The following FOXN3 variants were observed in gnomAD, a reference collection of about 807,000 sequenced individuals.
FOXN3 encodes forkhead box protein N3.
FOXN3 carries 7 observed loss-of-function variants against 38.4 expected under a neutral mutation model. The observed-to-expected ratio is 0.18, with a 90% confidence interval of 0.10 to 0.34. The LOEUF is 0.34. Ranked by LOEUF, FOXN3 falls within the 10% of genes least tolerant of loss-of-function variation. The probability of loss-of-function intolerance (pLI) is 1.00; values close to 1 mark genes in which losing one functional copy is unlikely to be tolerated. For synonymous variants in FOXN3, 230 were observed against 242.2 expected (o/e 0.95, Z 0.47); for missense variants, 456 against 613.4 (o/e 0.74, Z 2.71).
At chr14:89,334,546 A>T (rs1888382230) in intron 3 of FOXN3, among the ~76,000 whole-genome samples, 1 of 150,544 alleles carries the variant, frequency 6.6e-6, no homozygotes, top group African/African-American at 2.4e-5. Flanking sequence ...GGAGGTGGAG[A>T]TTGCAGTGAG....
intron 1 of FOXN3, among the ~76,000 whole-genome samples, chr14:89,543,830 A>G (rs1894835280): frequency 1.3e-5 from 2 of 152,178 alleles, no homozygotes; most frequent in Admixed American, 6.5e-5. Flanking sequence ...AGTTCATTCT[A>G]CTGGGTGATA....
chr14:89,174,535 A>G (rs1887470064), intron 5 of FOXN3, among the ~76,000 whole-genome samples: 1 of 152,216 alleles, frequency 6.6e-6, no homozygotes, highest in Admixed American at 6.5e-5. Context: ...TGCATTTACA[A>G]CAGTCCAGAA....
At chr14:89,579,308 G>A (rs1402106379) in intron 1 of FOXN3, among the ~76,000 whole-genome samples, 3 of 150,064 alleles carry the variant, frequency 2.0e-5, no homozygotes, top group African/African-American at 7.4e-5. Flanking sequence ...ATGCCATCAC[G>A]CCTGGCTAAT....
At chr14:89,531,837 T>C (rs752723037) in intron 1 of FOXN3, among the ~76,000 whole-genome samples, 1 of 151,994 alleles carries the variant, frequency 6.6e-6, no homozygotes, top group Non-Finnish European at 1.5e-5. Flanking sequence ...TGAGACAGAG[T>C]CTCACCCTGG....
At chr14:89,540,576 T>C (rs1384347633) in intron 1 of FOXN3, among the ~76,000 whole-genome samples, 6 of 151,088 alleles carry the variant, frequency 4.0e-5, no homozygotes, top group African/African-American at 1.5e-4. Flanking sequence ...CTACTAAAAA[T>C]ACAAAAAAAA....
intron 3 of FOXN3, among the ~76,000 whole-genome samples, chr14:89,321,253 T>C (rs1018705705): frequency 1.3e-5 from 2 of 151,810 alleles, no homozygotes; most frequent in African/African-American, 4.8e-5. Flanking sequence ...ATTGCGTTAC[T>C]GCCCTCCAGC....
chr14:89,469,508 T>G (rs1893047673), intron 1 of FOXN3, among the ~76,000 whole-genome samples: 2 of 152,238 alleles, frequency 1.3e-5, no homozygotes. Flanking sequence ...TTATCTCAAG[T>G]CTCTGTTCTG....
intron 1 of FOXN3, among the ~76,000 whole-genome samples, chr14:89,506,341 C>G (rs1489531140): frequency 2.4e-5 from 3 of 126,000 alleles, no homozygotes; most frequent in Admixed American, 7.7e-5. Context: ...GTCAGCCCCC[C>G]GCCCGGCCAG....
intron 2 of FOXN3, among the ~76,000 whole-genome samples, chr14:89,360,752 C>CACCACCACCACCACCACT (rs1566966400): frequency 8.3e-6 from 1 of 119,878 alleles, no homozygotes; most frequent in Non-Finnish European, 1.7e-5. Context: ...CCACCTCCAC[C>CACCACCACCACCACCACT]ACCACCTCCA....
At chr14:89,383,901 T>C (rs1890725003) in intron 2 of FOXN3, among the ~76,000 whole-genome samples, 1 of 151,854 alleles carries the variant, frequency 6.6e-6, no homozygotes, top group Non-Finnish European at 1.5e-5. Context: ...GCAATTTTTG[T>C]GCCTCGGCCT....
chr14:89,191,973 T>TATATATATATATATATAAAA (rs1481298307), intron 4 of FOXN3, among the ~76,000 whole-genome samples: 68 of 135,174 alleles, frequency 5.0e-4, no homozygotes, highest in African/African-American at 2.0e-3. Flanking sequence ...CACATATATA[T>TATATATATATATATATAAAA]AACTATAATA....
At chr14:89,348,557 T>C (rs1162052629) in intron 3 of FOXN3, among the ~76,000 whole-genome samples, 2 of 152,128 alleles carry the variant, frequency 1.3e-5, no homozygotes, top group Non-Finnish European at 2.9e-5. Context: ...ACTTAAGGCA[T>C]GGAAGAGGCA....
chr14:89,231,213 G>GAA (rs140684297), intron 4 of FOXN3, among the ~76,000 whole-genome samples: 9 of 147,406 alleles, frequency 6.1e-5, no homozygotes, highest in African/African-American at 2.0e-4. Context: ...TCTTTCTAAT[G>GAA]AAAAAAAAAA....
chr14:89,347,801 A>C (rs1317865795), intron 3 of FOXN3, among the ~76,000 whole-genome samples: 1 of 151,956 alleles, frequency 6.6e-6, no homozygotes, highest in Non-Finnish European at 1.5e-5. Flanking sequence ...AAAATACAAA[A>C]ATTAGCTGGG....
chr14:89,463,549 G>T (rs1461675069), intron 1 of FOXN3, among the ~76,000 whole-genome samples: 2 of 152,156 alleles, frequency 1.3e-5, no homozygotes, highest in African/African-American at 2.4e-5. Context: ...CAAGTACACT[G>T]GGTTCCAATT....
chr14:89,316,840 T>C (rs570257371), intron 3 of FOXN3, among the ~76,000 whole-genome samples: 11 of 152,206 alleles, frequency 7.2e-5, no homozygotes, highest in African/African-American at 2.2e-4. Flanking sequence ...ACTTTTTGTA[T>C]TTTTAGTAGA....
chr14:89,400,352 A>G (rs975946015), intron 2 of FOXN3, among the ~76,000 whole-genome samples: 3 of 152,296 alleles, frequency 2.0e-5, no homozygotes, highest in Admixed American at 1.3e-4. Flanking sequence ...TCCAACACCT[A>G]TGCACTGTGT....
At chr14:89,542,175 C>G (rs1464126548) in intron 1 of FOXN3, among the ~76,000 whole-genome samples, 1 of 152,164 alleles carries the variant, frequency 6.6e-6, no homozygotes, top group Non-Finnish European at 1.5e-5. Flanking sequence ...GAGATGTGCT[C>G]TGCTACAAGG....
chr14:89,334,854 G>A (rs1596192336), intron 3 of FOXN3, among the ~76,000 whole-genome samples: 2 of 151,826 alleles, frequency 1.3e-5, no homozygotes, highest in South Asian at 2.1e-4. Flanking sequence ...TGCAACCTCC[G>A]CCTCGCAGGT....
Sources: gnomAD v4.1 joint callset for allele counts (sites outside exome capture counted in the v4.1 genomes callset) on GRCh38, gnomAD v4.1.1 for gene constraint, MANE v1.5 for transcripts, NCBI Gene and HGNC (gene_info 2026-07-23, HGNC 2026-07-21) for gene names.